The following PTK2 variants were observed in gnomAD, a reference collection of about 807,000 sequenced individuals.
PTK2 encodes protein tyrosine kinase 2, also known as focal adhesion kinase 1.
Under a neutral mutation model 150.1 loss-of-function variants are expected in PTK2, and 45 were observed. That is an observed-to-expected ratio of 0.30 (90% CI 0.24 to 0.38). The LOEUF is 0.38. Ranked by LOEUF, PTK2 falls within the 10% of genes least tolerant of loss-of-function variation. The pLI is 1.00. For missense variants in PTK2, 919 were observed against 1,307.3 expected, an observed-to-expected ratio of 0.70 and a Z score of 4.58; for synonymous variants, 432 against 449.2, an observed-to-expected ratio of 0.96 and a Z score of 0.48.
intron 2 of PTK2, among the ~76,000 whole-genome samples, chr8:140,901,925 G>C (rs1026685531): frequency 6.6e-6 from 1 of 152,036 alleles, no homozygotes; most frequent in Non-Finnish European, 1.5e-5. Context: ...TTCTGTTCCT[G>C]TGTTAGTTTG....
intron 1 of PTK2, among the ~76,000 whole-genome samples, chr8:140,996,338 G>A (rs2100197783): frequency 6.6e-6 from 1 of 152,238 alleles, no homozygotes; most frequent in Non-Finnish European, 1.5e-5. Flanking sequence ...AGTGCAAGAT[G>A]AAGCAGCAAG....
intron 4 of PTK2, among the ~76,000 whole-genome samples, chr8:140,865,468 T>C (rs1486609412): frequency 6.6e-6 from 1 of 152,236 alleles, no homozygotes; most frequent in Non-Finnish European, 1.5e-5. Context: ...TTTGAGGCCT[T>C]TGTTAGACAT....
At chr8:140,959,452 T>C (rs550435047) in intron 1 of PTK2, among the ~76,000 whole-genome samples, 90 of 145,454 alleles carry the variant, frequency 6.2e-4, no homozygotes, top group African/African-American at 2.3e-3. Flanking sequence ...GGTAAGAGAA[T>C]GGCGTGAACC....
rs201855018 is a variant in PTK2, at chr8:140,736,542, T to A, written c.1826-1087A>T. Among the ~76,000 whole-genome samples the A allele has an allele frequency of 7.9e-5, 11 of 139,788 alleles. No homozygotes were observed. The East Asian group carries it at 1.8e-3, about 22-fold the overall frequency. The allele number at this position is 139,788 out of a possible 152,430, so 91.7% of individuals were successfully genotyped here. ...ATCTAAAATTCAAAAAAAAAAAAAATTTAAAAATTCACCTTTAAAACAAAC... is the reference window on the plus strand; with the variant it reads ...ATCTAAAATTCAAAAAAAAAAAAAAATTAAAAATTCACCTTTAAAACAAAC... On this transcript the variant is annotated intron_variant, in intron 21 of 31. Coordinates refer to ENST00000522684, the Ensembl canonical transcript of PTK2.
At chr8:140,943,320 T>C (rs1330943945) in intron 1 of PTK2, among the ~76,000 whole-genome samples, 2 of 152,236 alleles carry the variant, frequency 1.3e-5, no homozygotes, top group Non-Finnish European at 2.9e-5. Flanking sequence ...ACCAAAATGT[T>C]ATATAAATGA....
rs1335098732 is a variant in PTK2 at position 140,747,947 on chromosome 8, T to TA, written c.1418-1088dup. ...ATTTACTAAGCAACCATCTTTACAG[T>TA]AAAAATCACTCCTGACTGGTGAATT... On this transcript the variant is annotated intron_variant, in intron 17 of 31. Coordinates refer to ENST00000522684, the Ensembl canonical transcript of PTK2. 7.9e-5 allele frequency among the ~76,000 whole-genome samples: 12 copies of TA among 151,974 alleles called. No individual in the cohort carries two copies. The East Asian group carries it at 2.1e-3, about 27-fold the overall frequency.
chr8:140,709,521 C>A (rs1245594639), intron 23 of PTK2, among the ~76,000 whole-genome samples: 1 of 152,184 alleles, frequency 6.6e-6, no homozygotes, highest in Non-Finnish European at 1.5e-5. Flanking sequence ...AGGCTTTGAG[C>A]CAGACTGTCA....
At chr8:140,860,965 A>C (rs916109100) in intron 5 of PTK2, among the ~76,000 whole-genome samples, 11 of 152,368 alleles carry the variant, frequency 7.2e-5, no homozygotes, top group African/African-American at 2.6e-4. Context: ...ATAAACTATT[A>C]CAAAAGGATA....
intron 5 of PTK2, among the ~76,000 whole-genome samples, chr8:140,863,605 T>A (rs1404881305): frequency 6.6e-6 from 1 of 152,202 alleles, no homozygotes; most frequent in Non-Finnish European, 1.5e-5. Context: ...CCTCAAATGA[T>A]GCTTTTCAGT....
In PTK2 at chr8:140,729,411, C is replaced by T. The variant is rs867129475; in HGVS notation, c.2030+5840G>A. Among the ~76,000 whole-genome samples, 12 of 152,260 alleles carry T rather than the reference C, an allele frequency of 7.9e-5. No individual in the cohort carries two copies. The South Asian group carries it at 1.0e-3, about 13-fold the overall frequency. ...GGTGACTTGTTCAAAACTTCCAAAT[C>T]GGCTCCCCACTGTATGTGAAATTAT... On this transcript the variant is annotated intron_variant, in intron 22 of 31. Coordinates refer to ENST00000522684, the Ensembl canonical transcript of PTK2.
At chr8:140,708,784 C>G (rs1013696307) in intron 23 of PTK2, among the ~76,000 whole-genome samples, 1 of 152,016 alleles carries the variant, frequency 6.6e-6, no homozygotes, top group African/African-American at 2.4e-5. Flanking sequence ...AAAAAGAGTT[C>G]GGCTACCTTG....
At chr8:140,869,125 C>G (rs1009464891) in intron 4 of PTK2, among the ~76,000 whole-genome samples, 2 of 149,890 alleles carry the variant, frequency 1.3e-5, no homozygotes, top group Non-Finnish European at 3.0e-5. Flanking sequence ...CCCCGCCCCC[C>G]CAACCCATAC....
At chr8:140,939,047 ATCT>A (rs1221093202) in intron 1 of PTK2, among the ~76,000 whole-genome samples, 3 of 151,848 alleles carry the variant, frequency 2.0e-5, no homozygotes, top group Non-Finnish European at 2.9e-5. Context: ...CCCCTCTTCC[ATCT>A]TCTTACGTGA....
intron 22 of PTK2, 49 bp from the exon 26 acceptor site, chr8:140,717,758 C>CTGAGTT (rs1245723192): frequency 1.4e-6 from 2 of 1,461,496 alleles, no homozygotes; most frequent in Admixed American, 3.3e-5. Context: ...CCAGAGTTAG[C>CTGAGTT]ACACACTAGA....
chr8:140,716,590 G>A (rs759271005), intron 23 of PTK2, among the ~76,000 whole-genome samples: 2 of 152,116 alleles, frequency 1.3e-5, no homozygotes, highest in East Asian at 1.9e-4. Flanking sequence ...TTCAGTGTAC[G>A]TTTACTGTTA....
chr8:140,727,980 G>C (rs1356674162), intron 22 of PTK2, among the ~76,000 whole-genome samples: 4 of 152,162 alleles, frequency 2.6e-5, no homozygotes, highest in African/African-American at 9.7e-5. Flanking sequence ...TTGATCACTT[G>C]AGGTGAGGAG....
At chr8:140,705,998 C>T in intron 24 of PTK2, 121 bp downstream of exon 27, 1 of 750,598 alleles carries the variant, frequency 1.3e-6, no homozygotes, top group South Asian at 2.5e-5. Context: ...ACTTTCTCAG[C>T]TTTCTATCGG....
exon 23 of PTK2, chr8:140,717,663 T>C (rs2100040522): frequency 6.2e-7 from 1 of 1,614,008 alleles, no homozygotes; most frequent in Non-Finnish European, 8.5e-7. Context: ...CTGGACTCCA[T>C]CCTCATGCGC....
intron 15 of PTK2, chr8:140,762,368 CT>C: frequency 8.5e-7 from 1 of 1,180,608 alleles, no homozygotes. Flanking sequence ...ATCCTGTTAC[CT>C]TCATCTATTC....
Sources: allele counts gnomAD v4.1 joint callset (sites outside exome capture counted in the v4.1 genomes callset), GRCh38; gene constraint gnomAD v4.1.1; transcripts MANE v1.5; gene names NCBI Gene and HGNC (gene_info 2026-07-23, HGNC 2026-07-21).